Variants in SCLT1 observed in about 807,000 individuals in gnomAD.
SCLT1 encodes the protein sodium channel and clathrin linker 1, also known as sodium channel-associated protein 1.
SCLT1 carries 78 observed loss-of-function variants against 112.8 expected under a neutral mutation model. That is an observed-to-expected ratio of 0.69 (90% confidence interval 0.58 to 0.83). The LOEUF is 0.83. Ranked by LOEUF, SCLT1 falls within the 40% of genes least tolerant of loss-of-function variation. The probability of loss-of-function intolerance (pLI) is 0.00; values close to 1 mark genes in which losing one functional copy is unlikely to be tolerated. For missense variants in SCLT1, 747 were observed against 770.4 expected, an observed-to-expected ratio of 0.97 and a Z score of 0.36; for synonymous variants, 257 against 254.7, an observed-to-expected ratio of 1.01 and a Z score of -0.09.
chr4:128,945,886 T>C, intron 16 of SCLT1, 121 bp downstream of exon 16: 1 of 534,434 alleles, frequency 1.9e-6, no homozygotes. Context: ...TGGTCCTAAT[T>C]GTTTTTTTCA....
At chr4:128,996,758 G>T (rs1030839056) in intron 8 of SCLT1, among the ~76,000 whole-genome samples, 3 of 151,586 alleles carry the variant, frequency 2.0e-5, no homozygotes, top group Admixed American at 2.0e-4. Flanking sequence ...TTTATTCTTA[G>T]CTCTGACCTG....
At chr4:129,030,527 G>GT (rs1246277945) in intron 5 of SCLT1, among the ~76,000 whole-genome samples, 2 of 151,980 alleles carry the variant, frequency 1.3e-5, no homozygotes, top group East Asian at 1.9e-4. Flanking sequence ...CCAGGAGCTG[G>GT]TTTTTTCAAA....
chr4:128,881,858 A>C (rs1023612255), downstream of SCLT1, among the ~76,000 whole-genome samples: 1 of 152,244 alleles, frequency 6.6e-6, no homozygotes, highest in African/African-American at 2.4e-5. Context: ...TGCTAAACAT[A>C]GCTTAAGCCT....
At chr4:129,014,609 T>A (rs569523280) in intron 5 of SCLT1, among the ~76,000 whole-genome samples, 8 of 152,346 alleles carry the variant, frequency 5.3e-5, no homozygotes, top group Admixed American at 2.0e-4. Flanking sequence ...CTGGACTGTA[T>A]GCTCTAACCC....
intron 19 of SCLT1, among the ~76,000 whole-genome samples, chr4:128,890,110 G>GA (rs997073054): frequency 6.6e-6 from 1 of 152,038 alleles, no homozygotes; most frequent in African/African-American, 2.4e-5. Context: ...GAAAACGGGG[G>GA]AAAAAATTCC....
chr4:128,996,568 C>T (rs1244386825), intron 8 of SCLT1, among the ~76,000 whole-genome samples: 1 of 152,072 alleles, frequency 6.6e-6, no homozygotes, highest in Admixed American at 6.6e-5. Context: ...ACTTTGCTTG[C>T]TCCCTTTATA....
At chr4:128,898,189 C>G (rs1042295435) in intron 18 of SCLT1, among the ~76,000 whole-genome samples, 14 of 152,098 alleles carry the variant, frequency 9.2e-5, no homozygotes, top group Admixed American at 2.0e-4. Flanking sequence ...GACATCTACA[C>G]AACTCTCCAC....
At chr4:129,015,749 C>A (rs1668737697) in intron 5 of SCLT1, among the ~76,000 whole-genome samples, 2 of 152,140 alleles carry the variant, frequency 1.3e-5, no homozygotes, top group Non-Finnish European at 2.9e-5. Context: ...CTTGAAAATT[C>A]AACTCACCCA....
rs553247596 is a variant in SCLT1 at position 129,035,187 on chromosome 4, G to C, written c.290+3854C>G. Among the ~76,000 whole-genome samples, 4 of 152,210 alleles carry C rather than the reference G, an allele frequency of 2.6e-5. No individual in the cohort carries two copies. The South Asian group carries it at 8.3e-4, about 32-fold the overall frequency. ...AAGGACTTTGCAAAGGTTTCCTCAT[G>C]TTTCTCTTCTTCTAATCTTCTCATG... On this transcript the variant is annotated intron_variant, in intron 5 of 20. Coordinates refer to ENST00000281142, the MANE Select transcript of SCLT1 (RefSeq NM_144643.4).
chr4:128,876,149 A>C (rs953781266), intron 4 of SCLT1, among the ~76,000 whole-genome samples: 1 of 152,208 alleles, frequency 6.6e-6, no homozygotes, highest in East Asian at 1.9e-4. Context: ...TGTAGATTAT[A>C]ATGATTAGGA....
downstream of SCLT1, among the ~76,000 whole-genome samples, chr4:128,883,552 T>C (rs112068309): frequency 5.6e-3 from 851 of 152,292 alleles, 14 homozygotes; most frequent in African/African-American, 0.019. Flanking sequence ...ACTTAAAATA[T>C]GATAATAATA....
intron 14 of SCLT1, 92 bp from the exon 15 acceptor site, chr4:128,948,662 C>A: frequency 1.1e-6 from 1 of 900,138 alleles, no homozygotes; most frequent in Admixed American, 2.3e-5. Context: ...ATGGGAATAT[C>A]ATAGTTATCA....
chr4:129,066,461 A>G (rs1279205388), intron 2 of SCLT1, among the ~76,000 whole-genome samples: 1 of 152,050 alleles, frequency 6.6e-6, no homozygotes, highest in Non-Finnish European at 1.5e-5. Flanking sequence ...ACTCTTATAG[A>G]CCATGAATTA....
In SCLT1 at chr4:128,986,257, C is replaced by G. The variant is rs72922078; in HGVS notation, c.686+5910G>C. Reference sequence around the variant, plus strand: ...GAACACAACATAGGCTAGAATTCCACCAGCACCCATGGAGGGAGCATTTAG... The same window carrying G: ...GAACACAACATAGGCTAGAATTCCAGCAGCACCCATGGAGGGAGCATTTAG... On this transcript the variant is annotated intron_variant, in intron 9 of 20. Transcript: ENST00000281142. Among the ~76,000 whole-genome samples, 734 of 152,158 alleles carry G rather than the reference C, an allele frequency of 4.8e-3. 4 individuals carry two copies. The highest frequency in any genetic ancestry group is 0.016 in the African/African-American group (667 of 41,512).
At position 128,959,686 on chromosome 4, in the gene SCLT1, C is replaced by A; in HGVS notation, c.961G>T (p.Glu321Ter). 6.2e-7 allele frequency: 1 copy of A among 1,613,388 alleles called. No individual in the cohort carries two copies. The highest frequency in any genetic ancestry group is 8.5e-7 in the Non-Finnish European group (1 of 1,179,532). ...GCCTCATATCTCTCATTTTCTAATT[C>A]ATTGCACTTTGCTTGTAGCTCTCTG... ...QTRELQAKCN[E>*]LENERYEAIV... The change falls in exon 12 of 21, where the codon GAA (glutamate) becomes TAA (stop). Residue 321 changes from glutamate (E) to a stop codon, truncating the protein, a stop_gained. Coordinates refer to ENST00000281142, the MANE Select transcript of SCLT1 (RefSeq NM_144643.4). LOFTEE classifies it high-confidence loss of function.
chr4:128,879,181 G>T (rs759683118), downstream of SCLT1, among the ~76,000 whole-genome samples: 6 of 151,966 alleles, frequency 3.9e-5, no homozygotes, highest in Admixed American at 2.6e-4. Flanking sequence ...ATGAAAAAGT[G>T]GAAGTAGAAT....
intron 5 of SCLT1, among the ~76,000 whole-genome samples, chr4:129,024,223 G>T (rs964934115): frequency 6.6e-6 from 1 of 152,316 alleles, no homozygotes; most frequent in African/African-American, 2.4e-5. Context: ...ATCTGAGAAC[G>T]GGCAGACTGC....
At chr4:129,058,973 T>G (rs764599190) in intron 2 of SCLT1, among the ~76,000 whole-genome samples, 11 of 152,304 alleles carry the variant, frequency 7.2e-5, no homozygotes, top group Non-Finnish European at 1.6e-4. Context: ...CTTTCTGAAT[T>G]GATCAGGAAG....
At chr4:129,068,551 G>T (rs950924116) in intron 2 of SCLT1, among the ~76,000 whole-genome samples, 6 of 152,012 alleles carry the variant, frequency 3.9e-5, no homozygotes, top group African/African-American at 1.4e-4. Context: ...GTATATGTTT[G>T]TTGGCCATTT....
Sources: gnomAD v4.1 joint callset for allele counts (sites outside exome capture counted in the v4.1 genomes callset) on GRCh38, gnomAD v4.1.1 for gene constraint, MANE v1.5 for transcripts, NCBI Gene and HGNC (gene_info 2026-07-23, HGNC 2026-07-21) for gene names.